GRM8: variants seen among roughly 807,000 people sequenced by gnomAD.
GRM8 encodes glutamate metabotropic receptor 8.
A neutral mutation model predicts 87.2 loss-of-function variants in GRM8; 47 were observed. That is an observed-to-expected ratio of 0.54 (90% CI 0.43 to 0.69). The LOEUF (loss-of-function observed/expected upper bound fraction) is 0.69. GRM8 is among the 30% of genes least tolerant of loss of function. The pLI, the probability that GRM8 is intolerant of heterozygous loss-of-function variation, is 0.00. For synonymous variants in GRM8, 396 were observed against 404.5 expected (o/e 0.98, Z 0.25); for missense variants, 1,019 against 1,139.2 (o/e 0.89, Z 1.52).
chr7:127,183,159 A>C (rs1484586028), intron 2 of GRM8, among the ~76,000 whole-genome samples: 2 of 152,024 alleles, frequency 1.3e-5, no homozygotes, highest in Non-Finnish European at 2.9e-5. Context: ...ATTTTAGACA[A>C]ATTAAACTTC....
In GRM8 at chr7:126,498,531, C is replaced by A. The variant is rs75394992; in HGVS notation, c.2430+34421G>T. Among the ~76,000 whole-genome samples the A allele has an allele frequency of 5.9e-3, 904 of 151,960 alleles. 8 individuals are homozygous for A. The highest frequency in any genetic ancestry group is 0.02 in the African/African-American group (839 of 41,506). On this transcript the variant is annotated intron_variant, in intron 9 of 10. Coordinates refer to ENST00000339582, the MANE Select transcript of GRM8 (RefSeq NM_000845.3). ...CCCCTTGCTGGCATACCATCATAGA[C>A]AACTGAAAACGGCTCTACAGAAAAC...
At chr7:126,527,181 A>C (rs1440598781) in intron 9 of GRM8, among the ~76,000 whole-genome samples, 1 of 152,176 alleles carries the variant, frequency 6.6e-6, no homozygotes, top group Non-Finnish European at 1.5e-5. Flanking sequence ...CAATATGGTG[A>C]AACCCCATCT....
At chr7:126,562,701 C>A (rs1793838731) in intron 8 of GRM8, among the ~76,000 whole-genome samples, 1 of 152,058 alleles carries the variant, frequency 6.6e-6, no homozygotes, top group Non-Finnish European at 1.5e-5. Context: ...TCGAGACCAG[C>A]CTGACCAACA....
intron 7 of GRM8, among the ~76,000 whole-genome samples, chr7:126,706,637 C>T (rs1361623761): frequency 2.0e-5 from 3 of 152,108 alleles, no homozygotes; most frequent in Non-Finnish European, 4.4e-5. Flanking sequence ...TGATGTTTAA[C>T]CTGGGCACTT....
chr7:126,603,801 A>G (rs868336750), intron 8 of GRM8, among the ~76,000 whole-genome samples: 13 of 152,084 alleles, frequency 8.5e-5, no homozygotes, highest in Middle Eastern at 3.2e-3. Flanking sequence ...CATGTAAGCA[A>G]CTTTGCAAAC....
chr7:126,708,298 C>T (rs888103076), intron 7 of GRM8, among the ~76,000 whole-genome samples: 4 of 151,786 alleles, frequency 2.6e-5, no homozygotes, highest in African/African-American at 9.7e-5. Context: ...ATTAGTGTAA[C>T]CATTACAGAA....
chr7:126,826,899 T>A (rs1794857609), intron 6 of GRM8, among the ~76,000 whole-genome samples: 2 of 152,230 alleles, frequency 1.3e-5, no homozygotes, highest in South Asian at 4.1e-4. Context: ...GCATAAGGTG[T>A]AAGGAAGGGA....
chr7:126,686,717 A>G (rs1808232349), intron 7 of GRM8, among the ~76,000 whole-genome samples: 1 of 152,148 alleles, frequency 6.6e-6, no homozygotes, highest in South Asian at 2.1e-4. Flanking sequence ...TCTCCCTTGG[A>G]GGCATAGGAT....
rs1442365568 is a variant in GRM8, at chr7:127,106,771, G to C, written c.511-59C>G. The C allele has an allele frequency of 2.4e-6, 3 of 1,228,756 alleles. No homozygotes were observed. In the African/African-American group the frequency reaches 4.4e-5, roughly 18 times the overall value. 76.1% of individuals were successfully genotyped at this position (1,228,756 alleles called of 1,614,324 possible). Reference sequence around the variant, plus strand: ...GACGAATCTTGAAGAATGATGGATTGTCATATGAGCTAAACAGCCAAGGCT... The same window carrying C: ...GACGAATCTTGAAGAATGATGGATTCTCATATGAGCTAAACAGCCAAGGCT... On this transcript the variant is annotated intron_variant, in intron 2 of 10. Transcript: ENST00000339582.
chr7:126,663,915 T>C (rs1805485634), intron 7 of GRM8, among the ~76,000 whole-genome samples: 1 of 152,150 alleles, frequency 6.6e-6, no homozygotes. Flanking sequence ...ACCAAAAGGC[T>C]CCTATTCTGA....
intron 3 of GRM8, among the ~76,000 whole-genome samples, chr7:126,968,175 T>C (rs2402846): frequency 0.16 from 24,232 of 152,144 alleles, 2,118 homozygotes; most frequent in Non-Finnish European, 0.21. Flanking sequence ...TATAATGCCA[T>C]TGTCTGAGAT....
intron 3 of GRM8, among the ~76,000 whole-genome samples, chr7:126,906,924 C>A (rs1459561989): frequency 6.6e-6 from 1 of 152,154 alleles, no homozygotes; most frequent in Non-Finnish European, 1.5e-5. Flanking sequence ...GTAAATATTT[C>A]TTGAGTGCCC....
intron 7 of GRM8, among the ~76,000 whole-genome samples, chr7:126,681,824 T>C (rs1289162806): frequency 6.6e-6 from 1 of 152,254 alleles, no homozygotes; most frequent in East Asian, 1.9e-4. Flanking sequence ...ACAATGATTA[T>C]GTATCCAGGC....
In GRM8 at chr7:126,474,139, GATTT is replaced by G. The variant is rs540777467; in HGVS notation, c.2431-27771_2431-27768del. Among the ~76,000 whole-genome samples, 130 of 152,170 alleles carry G rather than the reference GATTT, an allele frequency of 8.5e-4. 1 individual carries two copies. Among genetic ancestry groups the G allele is most frequent in the African/African-American group, 3.0e-3 (125 of 41,528 alleles). On this transcript the variant is annotated intron_variant, in intron 9 of 10. Coordinates refer to ENST00000339582, the MANE Select transcript of GRM8 (RefSeq NM_000845.3). ...TTGATGTCCTAAAACAATTTGGAAT[GATTT>G]ATTTTCCACATTCCAAAATGAAGTG...
At chr7:126,498,137 A>C (rs764048069) in intron 9 of GRM8, among the ~76,000 whole-genome samples, 43 of 151,940 alleles carry the variant, frequency 2.8e-4, no homozygotes, top group South Asian at 8.3e-4. Context: ...TGAAGCCATA[A>C]AAATTCTTGG....
chr7:126,710,556 C>T (rs1430669702), intron 7 of GRM8, among the ~76,000 whole-genome samples: 1 of 152,214 alleles, frequency 6.6e-6, no homozygotes, highest in Non-Finnish European at 1.5e-5. Flanking sequence ...AGAAGGTACT[C>T]TTCCTCCATT....
At chr7:126,444,983 AAAACAAAC>A (rs138460879) in intron 10 of GRM8, among the ~76,000 whole-genome samples, 3,142 of 151,026 alleles carry the variant, frequency 0.021, 51 homozygotes, top group Non-Finnish European at 0.028. Context: ...CTGTCTCTAC[AAAACAAAC>A]AAACAAACAA....
intron 2 of GRM8, among the ~76,000 whole-genome samples, chr7:127,108,365 G>A (rs1185067603): frequency 6.6e-6 from 1 of 152,096 alleles, no homozygotes; most frequent in Non-Finnish European, 1.5e-5. Context: ...AAAAGTATGT[G>A]CATTCCTATA....
At chr7:126,441,104 G>A (rs1801423860) in intron 10 of GRM8, among the ~76,000 whole-genome samples, 1 of 151,974 alleles carries the variant, frequency 6.6e-6, no homozygotes, top group Non-Finnish European at 1.5e-5. Flanking sequence ...ACCAAGAAAG[G>A]TAAGTAATTA....
Sources: gnomAD v4.1 joint callset for allele counts (sites outside exome capture counted in the v4.1 genomes callset) on GRCh38, gnomAD v4.1.1 for gene constraint, MANE v1.5 for transcripts, NCBI Gene and HGNC (gene_info 2026-07-23, HGNC 2026-07-21) for gene names.